PDE4D: variants seen among roughly 807,000 people sequenced by gnomAD.
PDE4D encodes 3',5'-cyclic-AMP phosphodiesterase 4D.
In PDE4D, 24 loss-of-function variants were observed where a neutral mutation model predicts 87.4. The ratio of observed to expected loss-of-function variants is 0.27; its 90% CI spans 0.20 to 0.39. PDE4D has a LOEUF of 0.39. PDE4D is among the 10% of genes least tolerant of loss of function. PDE4D has a pLI of 1.00. For missense variants in PDE4D, 714 were observed against 1,041.0 expected, an observed-to-expected ratio of 0.69 and a Z score of 4.32; for synonymous variants, 384 against 383.2, an observed-to-expected ratio of 1.00 and a Z score of -0.02.
chr5:59,807,607 A>G (rs1767885259), intron 1 of PDE4D, among the ~76,000 whole-genome samples: 1 of 152,130 alleles, frequency 6.6e-6, no homozygotes, highest in Non-Finnish European at 1.5e-5. Context: ...GGAATTGCTG[A>G]ATTGGAATCC....
chr5:59,580,898 G>A (rs1289735935), intron 1 of PDE4D, among the ~76,000 whole-genome samples: 1 of 151,902 alleles, frequency 6.6e-6, no homozygotes. Flanking sequence ...GTTTATTTAT[G>A]TTTCCAGCCA....
chr5:59,496,199 G>A (rs2153662380), intron 1 of PDE4D, among the ~76,000 whole-genome samples: 1 of 152,208 alleles, frequency 6.6e-6, no homozygotes, highest in African/African-American at 2.4e-5. Flanking sequence ...TCATTCCTCT[G>A]CTGGACGGCC....
At chr5:59,325,916 AC>A (rs1177450439) in intron 1 of PDE4D, among the ~76,000 whole-genome samples, 3 of 152,126 alleles carry the variant, frequency 2.0e-5, no homozygotes, top group Non-Finnish European at 2.9e-5. Context: ...GCACATATAC[AC>A]CATGGAATGC....
chr5:59,582,389 GA>G (rs1370081577), intron 1 of PDE4D, among the ~76,000 whole-genome samples: 1 of 152,130 alleles, frequency 6.6e-6, no homozygotes, highest in African/African-American at 2.4e-5. Context: ...TTCAATGTAT[GA>G]AGAGGAGAAA....
At chr5:59,413,091 G>C (rs1458889058) in intron 1 of PDE4D, among the ~76,000 whole-genome samples, 1 of 152,100 alleles carries the variant, frequency 6.6e-6, no homozygotes, top group Non-Finnish European at 1.5e-5. Flanking sequence ...GACTCTTCCT[G>C]CCCTTTTTCA....
chr5:59,660,232 C>T (rs1745017316), intron 1 of PDE4D, among the ~76,000 whole-genome samples: 1 of 151,974 alleles, frequency 6.6e-6, no homozygotes, highest in Non-Finnish European at 1.5e-5. Flanking sequence ...GAATTAGTAA[C>T]TTTTGCATTT....
intron 6 of PDE4D, among the ~76,000 whole-genome samples, chr5:59,004,578 C>A (rs1169434428): frequency 6.6e-6 from 1 of 152,234 alleles, no homozygotes; most frequent in Non-Finnish European, 1.5e-5. Flanking sequence ...GCCATCTTCA[C>A]AATATACACT....
chr5:60,161,436 A>G (rs1220036027), intron 2 of PDE4D, among the ~76,000 whole-genome samples: 2 of 152,136 alleles, frequency 1.3e-5, no homozygotes, highest in East Asian at 1.9e-4. Flanking sequence ...AAGGAAGTCT[A>G]TTTTACCACT....
rs538513770 is a variant in PDE4D at position 59,021,415 on chromosome 5, A to G, written c.921+17444T>C. On this transcript the variant is annotated intron_variant, in intron 6 of 14. Transcript: ENST00000340635. ...TGGGATTTCAAAGGCACACTCTGTA[A>G]GCTTTCTCCCAGCCCTGTTGATTCA... Among the ~76,000 whole-genome samples, 4 of 152,290 alleles carry G rather than the reference A, an allele frequency of 2.6e-5. No homozygotes were observed. The South Asian group carries it at 8.3e-4, about 32-fold the overall frequency.
intron 1 of PDE4D, among the ~76,000 whole-genome samples, chr5:59,573,991 C>CTTCCT (rs1241981408): frequency 1.6e-5 from 1 of 62,868 alleles, no homozygotes; most frequent in African/African-American, 6.5e-5. Context: ...AAGGGAGACT[C>CTTCCT]TGTCTCAAAA....
At chr5:59,984,217 T>C (rs974746092) in intron 3 of PDE4D, among the ~76,000 whole-genome samples, 4 of 147,820 alleles carry the variant, frequency 2.7e-5, no homozygotes, top group Non-Finnish European at 4.5e-5. Context: ...ATGTAAATTA[T>C]ACCTTAATAA....
intron 3 of PDE4D, among the ~76,000 whole-genome samples, chr5:59,962,491 G>A (rs771595828): frequency 8.6e-5 from 13 of 151,458 alleles, no homozygotes; most frequent in Non-Finnish European, 1.6e-4. Flanking sequence ...ACACCACATC[G>A]AATGCCCTGA....
At chr5:59,595,510 T>C (rs1826545658) in intron 1 of PDE4D, among the ~76,000 whole-genome samples, 1 of 152,158 alleles carries the variant, frequency 6.6e-6, no homozygotes, top group Admixed American at 6.6e-5. Flanking sequence ...GTTGTAAGAA[T>C]ATTTCACCGA....
chr5:59,855,217 C>G (rs1209890810), intron 1 of PDE4D, among the ~76,000 whole-genome samples: 1 of 152,026 alleles, frequency 6.6e-6, no homozygotes, highest in African/African-American at 2.4e-5. Flanking sequence ...CTTGATGTAC[C>G]CCTAGGTCTT....
intron 2 of PDE4D, among the ~76,000 whole-genome samples, chr5:60,096,631 C>T (rs770233330): frequency 1.3e-5 from 2 of 152,000 alleles, no homozygotes; most frequent in South Asian, 2.1e-4. Flanking sequence ...TTTGGATGTA[C>T]TTCATAAGCA....
At chr5:60,336,443 T>C (rs1757756793) in intron 1 of PDE4D, among the ~76,000 whole-genome samples, 1 of 152,198 alleles carries the variant, frequency 6.6e-6, no homozygotes, top group Admixed American at 6.5e-5. Context: ...CCCTAGTGTG[T>C]GCTTCCACCT....
intron 1 of PDE4D, chr5:59,703,832 T>G (rs1752974682): frequency 3.8e-6 from 1 of 264,730 alleles, no homozygotes; most frequent in South Asian, 3.7e-5. Flanking sequence ...CATTAAACAT[T>G]GAATCATCAT....
At chr5:59,233,070 A>T (rs2153518036) in intron 1 of PDE4D, among the ~76,000 whole-genome samples, 2 of 152,326 alleles carry the variant, frequency 1.3e-5, no homozygotes, top group South Asian at 4.1e-4. Context: ...GCAAACATAC[A>T]GCTGGATAGA....
chr5:59,367,751 C>A (rs1321445196), intron 1 of PDE4D, among the ~76,000 whole-genome samples: 1 of 152,106 alleles, frequency 6.6e-6, no homozygotes, highest in Non-Finnish European at 1.5e-5. Context: ...CTAGAGAAGA[C>A]AAGAAGTCTG....
Sources: allele counts gnomAD v4.1 joint callset (sites outside exome capture counted in the v4.1 genomes callset), GRCh38; gene constraint gnomAD v4.1.1; transcripts MANE v1.5; gene names NCBI Gene and HGNC (gene_info 2026-07-23, HGNC 2026-07-21).